The following RBFOX3 variants were observed in gnomAD, a reference collection of about 807,000 sequenced individuals.
The protein encoded by RBFOX3 is RNA binding protein fox-1 homolog 3.
In RBFOX3, 17 loss-of-function variants were observed where a neutral mutation model predicts 48.7. The ratio of observed to expected loss-of-function variants is 0.35; its 90% CI spans 0.24 to 0.52. RBFOX3 has a LOEUF of 0.52. Among genes scored for constraint, RBFOX3 ranks in the 20% least tolerant of loss-of-function variants. RBFOX3 has a pLI of 0.94. For synonymous variants in RBFOX3, 212 were observed against 209.5 expected (o/e 1.01, Z -0.10); for missense variants, 382 against 497.5 (o/e 0.77, Z 2.21).
intron 2 of RBFOX3, among the ~76,000 whole-genome samples, chr17:79,342,979 C>T (rs112817734): frequency 2.8e-5 from 4 of 143,784 alleles, no homozygotes; most frequent in African/African-American, 5.1e-5. Flanking sequence ...AGAGAAAGAG[C>T]GAGAGAGAGA....
At chr17:79,495,658 T>TGG (rs2081401808) in intron 1 of RBFOX3, among the ~76,000 whole-genome samples, 1 of 73,618 alleles carries the variant, frequency 1.4e-5, no homozygotes. Context: ...TGCAGGAAGG[T>TGG]GGGAATGGAA....
intron 2 of RBFOX3, among the ~76,000 whole-genome samples, chr17:79,468,774 T>C (rs1201225329): frequency 1.3e-5 from 2 of 150,156 alleles, no homozygotes; most frequent in South Asian, 2.1e-4. Context: ...GATGGATAGA[T>C]AGATAGATAG....
At chr17:79,245,334 C>A (rs1419727799) in intron 3 of RBFOX3, among the ~76,000 whole-genome samples, 1 of 152,144 alleles carries the variant, frequency 6.6e-6, no homozygotes, top group East Asian at 1.9e-4. Flanking sequence ...TGGCCTCACA[C>A]AATTGGACCC....
chr17:79,112,368 C>A (rs894102064), intron 5 of RBFOX3, among the ~76,000 whole-genome samples: 3 of 152,054 alleles, frequency 2.0e-5, no homozygotes, highest in Non-Finnish European at 2.9e-5. Flanking sequence ...CGGGAAAGGC[C>A]CTGAGTTGGA....
At chr17:79,486,532 C>T (rs900606889) in intron 1 of RBFOX3, among the ~76,000 whole-genome samples, 4 of 152,294 alleles carry the variant, frequency 2.6e-5, no homozygotes, top group East Asian at 1.9e-4. Context: ...CACACATATG[C>T]GTGCACATAT....
At chr17:79,506,349 G>A (rs2083118479) in intron 1 of RBFOX3, among the ~76,000 whole-genome samples, 2 of 152,168 alleles carry the variant, frequency 1.3e-5, no homozygotes, top group South Asian at 4.1e-4. Flanking sequence ...ACACGGACTC[G>A]GCTCATCCTT....
intron 4 of RBFOX3, among the ~76,000 whole-genome samples, chr17:79,146,808 G>A (rs1052499050): frequency 8.5e-5 from 13 of 152,218 alleles, no homozygotes; most frequent in Non-Finnish European, 1.6e-4. Flanking sequence ...GGGGAAGATG[G>A]TGGGTCTCCT....
chr17:79,399,533 C>T (rs1321233227), intron 2 of RBFOX3, among the ~76,000 whole-genome samples: 1 of 152,018 alleles, frequency 6.6e-6, no homozygotes, highest in Non-Finnish European at 1.5e-5. Context: ...TTTTCACCAT[C>T]AGGGGTCATC....
chr17:79,509,414 T>A (rs1467801371), intron 1 of RBFOX3, among the ~76,000 whole-genome samples: 1 of 151,746 alleles, frequency 6.6e-6, no homozygotes, highest in Admixed American at 6.6e-5. Context: ...GCTCCCACTC[T>A]GCGGGTATAT....
intron 4 of RBFOX3, among the ~76,000 whole-genome samples, chr17:79,190,511 C>T (rs558248038): frequency 2.2e-4 from 33 of 151,436 alleles, no homozygotes; most frequent in South Asian, 1.3e-3. Context: ...GGCATCACGT[C>T]GCCCAGTCCC....
At chr17:79,245,625 T>G (rs1229596379) in intron 3 of RBFOX3, among the ~76,000 whole-genome samples, 1 of 122,242 alleles carries the variant, frequency 8.2e-6, no homozygotes, top group Non-Finnish European at 1.6e-5. Flanking sequence ...AGGTGAACAT[T>G]TGGATTTTTT....
chr17:79,348,041 C>G (rs942838877), intron 2 of RBFOX3, among the ~76,000 whole-genome samples: 1 of 152,152 alleles, frequency 6.6e-6, no homozygotes, highest in African/African-American at 2.4e-5. Context: ...ACAGTCAACC[C>G]CATCCACTCC....
chr17:79,098,624 G>T, intron 9 of RBFOX3: 1 of 152,368 alleles, frequency 6.6e-6, no homozygotes, highest in Non-Finnish European at 1.5e-5. Flanking sequence ...GGGGAACCCA[G>T]GAGCAGAGCA....
chr17:79,363,385 C>T lies in RBFOX3; in HGVS notation c.-174-55561G>A, dbSNP rs2057271714. ...CTGGGATACCCAGGAAGTCTGTGGG[C>T]TGTTCCCTCTGGAAATAGGGGGCTA... On this transcript the variant is annotated intron_variant, in intron 2 of 14. Coordinates refer to ENST00000693108, the MANE Select transcript of RBFOX3 (RefSeq NM_001350451.2). This position sits in a 1 kb window ranked among gnomAD's most constrained non-coding sequence, Gnocchi z 4.7. Among the ~76,000 whole-genome samples, 1 of 152,092 alleles carries T rather than the reference C, an allele frequency of 6.6e-6. No homozygotes were observed. The highest frequency in any genetic ancestry group is 1.5e-5 in the Non-Finnish European group (1 of 68,008).
At chr17:79,321,705 C>CTTTTTTTT (rs55633027) in intron 2 of RBFOX3, among the ~76,000 whole-genome samples, 2 of 134,120 alleles carry the variant, frequency 1.5e-5, no homozygotes, top group Admixed American at 7.7e-5. Context: ...AGGAATCTGG[C>CTTTTTTTT]TTTTTTTTTT....
intron 2 of RBFOX3, among the ~76,000 whole-genome samples, chr17:79,341,877 G>C (rs567861182): frequency 4.8e-4 from 73 of 152,236 alleles, no homozygotes; most frequent in Non-Finnish European, 9.6e-4. Context: ...CCTAATAGAT[G>C]GAAATAACTC....
chr17:79,566,993 A>T (rs1186486767), intron 1 of RBFOX3, among the ~76,000 whole-genome samples: 1 of 152,002 alleles, frequency 6.6e-6, no homozygotes, highest in African/African-American at 2.4e-5. Flanking sequence ...AATGGAAGTC[A>T]CCCTGCAACC....
At chr17:79,431,138 C>A (rs957145226) in intron 2 of RBFOX3, among the ~76,000 whole-genome samples, 1 of 152,062 alleles carries the variant, frequency 6.6e-6, no homozygotes, top group Admixed American at 6.6e-5. Context: ...TGAAAAGGAT[C>A]GGGGAATCCA....
intron 2 of RBFOX3, among the ~76,000 whole-genome samples, chr17:79,332,671 CAGAGAGACAA>C (rs1250381513): frequency 2.7e-5 from 4 of 146,084 alleles, no homozygotes; most frequent in African/African-American, 1.1e-4. Flanking sequence ...GAGATGGAGA[CAGAGAGACAA>C]AGAGAGACGG....
Sources: gnomAD v4.1 joint callset for allele counts (sites outside exome capture counted in the v4.1 genomes callset) on GRCh38, gnomAD v4.1.1 for gene constraint, Gnocchi (gnomAD v3.1) non-coding constraint, MANE v1.5 for transcripts, NCBI Gene and HGNC (gene_info 2026-07-23, HGNC 2026-07-21) for gene names.